The following TENM3 variants were observed in gnomAD, a reference collection of about 807,000 sequenced individuals.
TENM3 encodes teneurin transmembrane protein 3, also known as teneurin-3.
A neutral mutation model predicts 255.1 loss-of-function variants in TENM3; 63 were observed. That is an observed-to-expected ratio of 0.25 (90% CI 0.20 to 0.30). TENM3 has a LOEUF of 0.30. Ranked by LOEUF, TENM3 falls within the 10% of genes least tolerant of loss-of-function variation. The probability of loss-of-function intolerance (pLI) is 1.00; values close to 1 mark genes in which losing one functional copy is unlikely to be tolerated. For missense variants in TENM3, 2,929 were observed against 3,461.1 expected (o/e 0.85, Z 3.86); for synonymous variants, 1,306 against 1,322.3 (o/e 0.99, Z 0.27).
chr4:182,133,420 A>G, the TENM3 span, among the ~76,000 whole-genome samples: 2 of 152,202 alleles, frequency 1.3e-5, no homozygotes, highest in Non-Finnish European at 2.9e-5. Flanking sequence ...ATTAAAGGCT[A>G]CACAAGTTGA....
chr4:182,403,352 A>T (rs990945358), intron 3 of TENM3, among the ~76,000 whole-genome samples: 3 of 152,224 alleles, frequency 2.0e-5, no homozygotes, highest in Non-Finnish European at 2.9e-5. Context: ...TAAATAAAAG[A>T]TTGTGCATCT....
chr4:182,321,963 TAAATA>T (rs1763082114), intron 1 of TENM3, among the ~76,000 whole-genome samples: 1 of 151,980 alleles, frequency 6.6e-6, no homozygotes, highest in Admixed American at 6.5e-5. Context: ...TAATAATAAA[TAAATA>T]AATAATACTT....
At chr4:182,007,250 A>C in the TENM3 span, among the ~76,000 whole-genome samples, 1 of 152,086 alleles carries the variant, frequency 6.6e-6, no homozygotes, top group Non-Finnish European at 1.5e-5. Flanking sequence ...GGTCCACTTG[A>C]TACAGAGCTA....
chr4:182,294,153 G>A (rs1213372780), intron 1 of TENM3, among the ~76,000 whole-genome samples: 3 of 152,064 alleles, frequency 2.0e-5, no homozygotes, highest in Non-Finnish European at 4.4e-5. Flanking sequence ...AAATGTCATC[G>A]CTTAAGAAGA....
At chr4:182,425,223 T>C (rs1178950813) in intron 3 of TENM3, among the ~76,000 whole-genome samples, 1 of 152,242 alleles carries the variant, frequency 6.6e-6, no homozygotes, top group Non-Finnish European at 1.5e-5. Context: ...GTGATTATGT[T>C]GGACTCCATT....
the TENM3 span, among the ~76,000 whole-genome samples, chr4:181,628,132 C>T: frequency 6.6e-6 from 1 of 152,250 alleles, no homozygotes; most frequent in South Asian, 2.1e-4. Flanking sequence ...GCATAAATGT[C>T]TTCTTTTGAG....
intron 21 of TENM3, among the ~76,000 whole-genome samples, chr4:182,753,813 A>G (rs983543926): frequency 2.0e-5 from 3 of 152,226 alleles, no homozygotes; most frequent in African/African-American, 7.2e-5. Context: ...TGAGATACAG[A>G]ACAATTATCA....
the TENM3 span, among the ~76,000 whole-genome samples, chr4:181,576,034 G>A: frequency 6.6e-6 from 1 of 152,196 alleles, no homozygotes. Context: ...TGAAGCCAGA[G>A]CTTTCAGTGT....
the TENM3 span, chr4:182,081,685 T>C: frequency 6.6e-6 from 1 of 151,920 alleles, no homozygotes; most frequent in Non-Finnish European, 1.5e-5. Flanking sequence ...TATGGGAAAC[T>C]GTTAGAGAAA....
intron 12 of TENM3, among the ~76,000 whole-genome samples, chr4:182,692,849 A>G (rs1001013823): frequency 2.6e-5 from 4 of 151,688 alleles, no homozygotes; most frequent in Non-Finnish European, 1.5e-5. Context: ...TTAGAATGGG[A>G]GTTTTTTTTT....
At chr4:181,852,302 T>A in the TENM3 span, among the ~76,000 whole-genome samples, 2 of 152,196 alleles carry the variant, frequency 1.3e-5, no homozygotes, top group Admixed American at 1.3e-4. Flanking sequence ...AACCTTAACG[T>A]CTTTTCCTTC....
At chr4:182,777,164 C>T (rs1481267592) in intron 24 of TENM3, among the ~76,000 whole-genome samples, 2 of 151,960 alleles carry the variant, frequency 1.3e-5, no homozygotes, top group African/African-American at 4.8e-5. Context: ...CCCAAAGAGC[C>T]ACCCATTTCT....
the TENM3 span, among the ~76,000 whole-genome samples, chr4:181,553,335 T>TATATAC: frequency 6.9e-4 from 97 of 141,012 alleles, 1 homozygote; most frequent in African/African-American, 2.3e-3. Flanking sequence ...TATATATATA[T>TATATAC]ACACACACAC....
At chr4:181,487,300 C>T in the TENM3 span, among the ~76,000 whole-genome samples, 2 of 152,086 alleles carry the variant, frequency 1.3e-5, no homozygotes, top group Non-Finnish European at 2.9e-5. Context: ...AATGCCGGCA[C>T]GCCTATGAGT....
At chr4:182,010,510 G>A in the TENM3 span, among the ~76,000 whole-genome samples, 1 of 151,704 alleles carries the variant, frequency 6.6e-6, no homozygotes, top group East Asian at 1.9e-4. Context: ...TAATAGATGT[G>A]CTATAAAAAG....
intron 3 of TENM3, among the ~76,000 whole-genome samples, chr4:182,447,379 A>C (rs923337031): frequency 6.6e-6 from 1 of 152,204 alleles, no homozygotes; most frequent in Non-Finnish European, 1.5e-5. Flanking sequence ...TGAGAAAGAA[A>C]AGTATCTACA....
At chr4:182,425,023 T>G (rs1771102186) in intron 3 of TENM3, among the ~76,000 whole-genome samples, 1 of 152,200 alleles carries the variant, frequency 6.6e-6, no homozygotes, top group Non-Finnish European at 1.5e-5. Context: ...AATTGAATAC[T>G]TGCACATCGA....
In TENM3 at chr4:182,793,241, G is replaced by A. The variant is rs1307950754; in HGVS notation, c.6569G>A (p.Arg2190Gln). 26 of 1,613,714 alleles carry A rather than the reference G, an allele frequency of 1.6e-5. No individual in the cohort carries two copies. The highest frequency in any genetic ancestry group is 2.2e-5 in the East Asian group (1 of 44,884). ...RITRLGDVQY[R>Q]LDEDGFLRQR... ...ACTCGACTGGGTGATGTTCAATATC[G>A]GTTGGATGAAGATGGTTTCCTACGT... is the stretch of plus-strand genomic sequence containing the variant. The change falls in exon 26 of 28, where the codon CGG becomes CAG. Residue 2190 changes from arginine (R) to glutamine (Q), a missense_variant. By Grantham distance (43) the Arg-to-Gln change is conservative. Around this residue, in one of 6 missense-constraint regions of TENM3, gnomAD observed 256 missense variants for 389.3 expected, o/e 0.66. Coordinates refer to ENST00000511685, the MANE Select transcript of TENM3 (RefSeq NM_001080477.4). The surrounding 1 kb of genome is among the most constrained non-coding windows in gnomAD (Gnocchi z 5.7).
At chr4:182,364,636 G>A (rs1008408130) in intron 3 of TENM3, among the ~76,000 whole-genome samples, 5 of 152,122 alleles carry the variant, frequency 3.3e-5, no homozygotes, top group African/African-American at 9.7e-5. Context: ...AGCCAGGATG[G>A]TCTCAACCTC....
Sources: gnomAD v4.1 joint callset for allele counts (sites outside exome capture counted in the v4.1 genomes callset) on GRCh38, gnomAD v4.1.1 for gene constraint, gnomAD v4.1.1 regional missense constraint, Gnocchi (gnomAD v3.1) non-coding constraint, MANE v1.5 for transcripts, NCBI Gene and HGNC (gene_info 2026-07-23, HGNC 2026-07-21) for gene names.